The following BUB1B variants were observed in gnomAD, a reference collection of about 807,000 sequenced individuals.
The protein encoded by BUB1B is mitotic checkpoint serine/threonine-protein kinase BUB1 beta.
Under a neutral mutation model 137.7 loss-of-function variants are expected in BUB1B, and 86 were observed. The observed-to-expected ratio is 0.62, with a 90% CI of 0.52 to 0.75. The LOEUF (loss-of-function observed/expected upper bound fraction) is 0.75. Among genes scored for constraint, BUB1B ranks in the 30% least tolerant of loss-of-function variants. BUB1B has a pLI of 0.00. For missense variants in BUB1B, 1,130 were observed against 1,236.9 expected, an observed-to-expected ratio of 0.91 and a Z score of 1.30; for synonymous variants, 420 against 417.9, an observed-to-expected ratio of 1.00 and a Z score of -0.06.
At chr15:40,161,717 T>C (rs1471085048) in intron 1 of BUB1B, among the ~76,000 whole-genome samples, 1 of 152,188 alleles carries the variant, frequency 6.6e-6, no homozygotes, top group Admixed American at 6.5e-5. Flanking sequence ...CTGAAAGCCT[T>C]TAGCCAATAT....
intron 8 of BUB1B, among the ~76,000 whole-genome samples, chr15:40,193,793 C>T (rs1040531210): frequency 7.3e-5 from 11 of 151,360 alleles, no homozygotes; most frequent in Admixed American, 4.0e-4. Flanking sequence ...ACTCGGGAGG[C>T]GGAGGCAGGA....
chr15:40,192,164 C>T (rs1288126204), intron 8 of BUB1B, among the ~76,000 whole-genome samples: 3 of 152,180 alleles, frequency 2.0e-5, no homozygotes, highest in Non-Finnish European at 4.4e-5. Flanking sequence ...TGAATTCTTT[C>T]AGTGTTTTGT....
At chr15:40,213,216 C>T in intron 19 of BUB1B, 116 bp from the exon 20 acceptor site, 4 of 1,073,002 alleles carry the variant, frequency 3.7e-6, no homozygotes, top group South Asian at 1.3e-5. Flanking sequence ...TACAGAGGTG[C>T]CTACGTTCCA....
rs1328338073 is a variant in BUB1B at position 40,185,177 on chromosome 15, A to G, written c.764A>G (p.Asn255Ser). Reference sequence around the variant, plus strand: ...TTTTTGCTCCTAGCTCCAAGCCAGAACAGAGGACTCCAAAATCCATTTCCT... The same window carrying G: ...TTTTTGCTCCTAGCTCCAAGCCAGAGCAGAGGACTCCAAAATCCATTTCCT... ...VGGALKAPSQ[N>S]RGLQNPFPQQ... Residue 255 changes from asparagine to serine, a missense_variant, in exon 7 of 23, where the codon AAC (asparagine) becomes AGC (serine). Coordinates refer to ENST00000287598, the MANE Select transcript of BUB1B (RefSeq NM_001211.6). 2 of 1,614,006 alleles carry G rather than the reference A, an allele frequency of 1.2e-6. No homozygotes were observed. The highest frequency in any genetic ancestry group is 8.5e-7 in the Non-Finnish European group (1 of 1,179,878).
intron 20 of BUB1B, among the ~76,000 whole-genome samples, 164 bp downstream of exon 20, chr15:40,213,638 C>T (rs1251071939): frequency 1.3e-5 from 2 of 151,472 alleles, no homozygotes; most frequent in East Asian, 1.9e-4. Flanking sequence ...CAGGTTCAAA[C>T]GATTCTCCCA....
Position 40,206,475 on chromosome 15 carries a change from AG to A in BUB1B, c.2009+19del. 1 of 1,614,042 alleles carries A rather than the reference AG, an allele frequency of 6.2e-7. No homozygotes were observed. ...GAAGCTGAGGTGATTGGGGATTTAC[AG>A]GTTTTACAAACCAGATTGTTTACTC... On this transcript the variant is annotated intron_variant, in intron 15 of 22. Transcript: ENST00000287598.
In BUB1B at chr15:40,185,377, A is replaced by C. The variant is rs774455318; in HGVS notation, c.964A>C (p.Arg322=). The C allele has an allele frequency of 2.5e-6, 4 of 1,614,116 alleles. No homozygotes were observed. Among genetic ancestry groups the C allele is most frequent in the Non-Finnish European group, 3.4e-6 (4 of 1,180,018 alleles). ...GAACACAGGCAGGTCCTTGGAACAC[A>C]GGGTAAGGACTCTTAGATCCAGTGC... ...PWNTGRSLEH[R]PRGNTASLIA... Residue 322 remains arginine, a splice_region_variant and synonymous_variant, in exon 7 of 23, where the codon AGG becomes CGG. Coordinates refer to ENST00000287598, the MANE Select transcript of BUB1B (RefSeq NM_001211.6).
At position 40,192,652 on chromosome 15, in the gene BUB1B, T is replaced by G. The variant is rs2037451133; in HGVS notation, c.1059-3893T>G. 2.0e-5 allele frequency among the ~76,000 whole-genome samples: 3 copies of G among 152,318 alleles called. No homozygotes were observed. The South Asian group carries it at 6.2e-4, about 32-fold the overall frequency. ...ATCATGTAGCTGGAATCATAGTATA[T>G]GTAGCCTTTTCAATCTGGCTCCTTC... On this transcript the variant is annotated intron_variant, in intron 8 of 22. Coordinates refer to ENST00000287598, the MANE Select transcript of BUB1B (RefSeq NM_001211.6).
intron 2 of BUB1B, among the ~76,000 whole-genome samples, chr15:40,166,820 G>A (rs1269407764): frequency 6.6e-6 from 1 of 152,104 alleles, no homozygotes; most frequent in African/African-American, 2.4e-5. Flanking sequence ...GATCTTTTTC[G>A]TTTTAGCCAT....
At chr15:40,204,993 C>G (rs1487968808) in intron 14 of BUB1B, among the ~76,000 whole-genome samples, 1 of 138,126 alleles carries the variant, frequency 7.2e-6, no homozygotes, top group East Asian at 2.1e-4. Context: ...TGCACTCAGG[C>G]TGGAGTGAAG....
intron 10 of BUB1B, 107 bp from the exon 11 acceptor site, chr15:40,200,137 T>C: frequency 1.3e-6 from 1 of 782,704 alleles, no homozygotes; most frequent in Non-Finnish European, 2.2e-6. Flanking sequence ...CATTTTGTAC[T>C]GTTAGTGGAT....
chr15:40,205,128 G>A (rs1389161057), intron 14 of BUB1B, among the ~76,000 whole-genome samples: 2 of 151,846 alleles, frequency 1.3e-5, no homozygotes, highest in Admixed American at 1.3e-4. Context: ...TGTATTTTTA[G>A]TAGGGACGGG....
intron 20 of BUB1B, 71 bp downstream of exon 20, chr15:40,213,545 TC>T: frequency 1.3e-6 from 2 of 1,569,526 alleles, no homozygotes; most frequent in Non-Finnish European, 1.7e-6. Context: ...CTTTTTTTTT[TC>T]TTTTTTGAGG....
chr15:40,211,610 C>T (rs1242739789), intron 18 of BUB1B, among the ~76,000 whole-genome samples: 1 of 152,136 alleles, frequency 6.6e-6, no homozygotes, highest in African/African-American at 2.4e-5. Flanking sequence ...ATCTTAACTG[C>T]TGCATATATA....
intron 9 of BUB1B, among the ~76,000 whole-genome samples, chr15:40,197,920 A>G (rs1295434431): frequency 6.6e-6 from 1 of 152,214 alleles, no homozygotes; most frequent in Admixed American, 6.6e-5. Context: ...AGGGTGGCCA[A>G]ATATGAACCA....
intron 16 of BUB1B, 42 bp from the exon 17 acceptor site, chr15:40,209,593 T>G (rs759329656): frequency 1.1e-5 from 18 of 1,610,262 alleles, no homozygotes; most frequent in Non-Finnish European, 1.4e-5. Context: ...AGCATTAGGG[T>G]TTTTTTGGTG....
chr15:40,180,771 T>A (rs1290717593), intron 5 of BUB1B, among the ~76,000 whole-genome samples: 1 of 140,156 alleles, frequency 7.1e-6, no homozygotes, highest in East Asian at 2.4e-4. Flanking sequence ...TGCCTCAGCC[T>A]CCCGAGTAGC....
chr15:40,178,294 C>G (rs2037245131), intron 5 of BUB1B, among the ~76,000 whole-genome samples: 1 of 151,996 alleles, frequency 6.6e-6, no homozygotes, highest in African/African-American at 2.4e-5. Flanking sequence ...AAAATATTTT[C>G]TAGCTTACCC....
At position 40,220,916 on chromosome 15, in the gene BUB1B, A is replaced by AT; in HGVS notation, c.*163dup. ...ACAGGTATATTTTGACGTCACTGAT[A>AT]TTTTTTATACAGTGATATACTTACT... On this transcript the variant is annotated 3_prime_UTR_variant, in exon 23 of 23. Coordinates refer to ENST00000287598, the MANE Select transcript of BUB1B (RefSeq NM_001211.6). 2.5e-6 allele frequency: 2 copies of AT among 787,704 alleles called. No homozygotes were observed. The highest frequency in any genetic ancestry group is 4.3e-6 in the Non-Finnish European group (2 of 467,296). 48.8% of individuals were successfully genotyped at this position (787,704 alleles called of 1,614,324 possible).
Sources: gnomAD v4.1 joint callset for allele counts (sites outside exome capture counted in the v4.1 genomes callset) on GRCh38, gnomAD v4.1.1 for gene constraint, MANE v1.5 for transcripts, NCBI Gene and HGNC (gene_info 2026-07-23, HGNC 2026-07-21) for gene names.